Variants in RALGPS2 observed in about 807,000 individuals in gnomAD.
RALGPS2 encodes the protein ras-specific guanine nucleotide-releasing factor RalGPS2.
Under a neutral mutation model 86.8 loss-of-function variants are expected in RALGPS2, and 43 were observed. The observed-to-expected ratio is 0.50, with a 90% confidence interval of 0.39 to 0.64. RALGPS2 has a LOEUF of 0.64. Ranked by LOEUF, RALGPS2 falls within the 30% of genes least tolerant of loss-of-function variation. RALGPS2 has a pLI of 0.00. For missense variants in RALGPS2, 536 were observed against 694.6 expected, an observed-to-expected ratio of 0.77 and a Z score of 2.57; for synonymous variants, 243 against 231.3, an observed-to-expected ratio of 1.05 and a Z score of -0.46.
At chr1:178,892,860 G>A (rs1369401044) in intron 15 of RALGPS2, among the ~76,000 whole-genome samples, 1 of 152,036 alleles carries the variant, frequency 6.6e-6, no homozygotes, top group East Asian at 1.9e-4. Flanking sequence ...TGTATTGATT[G>A]GGAACGTGGG....
In RALGPS2 at chr1:178,892,339, A is replaced by G. The variant is rs1488520760; in HGVS notation, c.1325+32A>G. 1.9e-6 allele frequency: 3 copies of G among 1,581,544 alleles called. No homozygotes were observed. In the East Asian group the frequency reaches 6.7e-5, roughly 35 times the overall value. ...TTCCCCTGCATTCAGGGGTCACAGA[A>G]CTCCCTTATGGTGTTGGTGATTGGC... is the stretch of plus-strand genomic sequence containing the variant. On this transcript the variant is annotated intron_variant, in intron 15 of 19. Coordinates refer to ENST00000367635, the MANE Select transcript of RALGPS2 (RefSeq NM_152663.5).
intron 18 of RALGPS2, among the ~76,000 whole-genome samples, chr1:178,904,024 AT>A (rs945790909): frequency 6.4e-4 from 97 of 151,422 alleles, no homozygotes; most frequent in African/African-American, 2.2e-3. Context: ...CTGTTTTTTT[AT>A]TTTTTTTATT....
At chr1:178,893,877 G>A in intron 15 of RALGPS2, 42 bp from the exon 16 acceptor site, 2 of 1,317,862 alleles carry the variant, frequency 1.5e-6, no homozygotes, top group Non-Finnish European at 2.2e-6. Flanking sequence ...GATGACTATT[G>A]TAGACAAAAG....
intron 1 of RALGPS2, among the ~76,000 whole-genome samples, chr1:178,743,013 C>G (rs1230519631): frequency 6.6e-6 from 1 of 152,120 alleles, no homozygotes; most frequent in Non-Finnish European, 1.5e-5. Flanking sequence ...GCCAGGAGTT[C>G]AAGGCCAGCT....
At chr1:178,735,161 G>A (rs938487732) in intron 1 of RALGPS2, among the ~76,000 whole-genome samples, 1 of 152,082 alleles carries the variant, frequency 6.6e-6, no homozygotes, top group Non-Finnish European at 1.5e-5. Context: ...GTACAGTACT[G>A]GAAAAGAATG....
chr1:178,886,775 A>G (rs933815765), intron 13 of RALGPS2, among the ~76,000 whole-genome samples: 14 of 152,196 alleles, frequency 9.2e-5, no homozygotes, highest in Admixed American at 8.5e-4. Context: ...AAAAGGAGAG[A>G]TCAGTGAAGT....
At chr1:178,890,886 A>G (rs1189298984) in intron 14 of RALGPS2, among the ~76,000 whole-genome samples, 1 of 152,034 alleles carries the variant, frequency 6.6e-6, no homozygotes, top group African/African-American at 2.4e-5. Flanking sequence ...GTTTGCCTGA[A>G]ATGTGAAAAA....
chr1:178,798,402 T>C (rs1199291331), intron 4 of RALGPS2, among the ~76,000 whole-genome samples: 1 of 152,186 alleles, frequency 6.6e-6, no homozygotes, highest in African/African-American at 2.4e-5. Flanking sequence ...TGTTATGACG[T>C]TAAAATGTGA....
chr1:178,844,337 G>A (rs1656763046), intron 8 of RALGPS2, among the ~76,000 whole-genome samples: 1 of 152,144 alleles, frequency 6.6e-6, no homozygotes, highest in Admixed American at 6.5e-5. Flanking sequence ...CTAAAAATGA[G>A]AACCAAAACC....
At chr1:178,906,572 T>A (rs1660396422) in intron 18 of RALGPS2, among the ~76,000 whole-genome samples, 2 of 152,130 alleles carry the variant, frequency 1.3e-5, no homozygotes, top group South Asian at 2.1e-4. Flanking sequence ...GAATATATGA[T>A]AGCATGTAAA....
At chr1:178,760,502 T>G (rs564022252) in intron 1 of RALGPS2, among the ~76,000 whole-genome samples, 13 of 152,326 alleles carry the variant, frequency 8.5e-5, no homozygotes, top group African/African-American at 3.1e-4. Flanking sequence ...TAGCAACCCC[T>G]GCTCTTTTTT....
intron 16 of RALGPS2, among the ~76,000 whole-genome samples, chr1:178,897,437 A>G (rs922124885): frequency 6.6e-6 from 1 of 152,066 alleles, no homozygotes; most frequent in Non-Finnish European, 1.5e-5. Flanking sequence ...GGGGTTAACT[A>G]TTCTTTTGTA....
chr1:178,747,512 A>G, intron 1 of RALGPS2: 2 of 1,611,274 alleles, frequency 1.2e-6, no homozygotes, highest in Non-Finnish European at 1.7e-6. Flanking sequence ...AATGCGGTTC[A>G]GCATGACAAC....
At chr1:178,748,072 C>G (rs1410551567) in intron 1 of RALGPS2, among the ~76,000 whole-genome samples, 1 of 152,242 alleles carries the variant, frequency 6.6e-6, no homozygotes, top group Admixed American at 6.5e-5. Context: ...GTAATCCCAG[C>G]ACTTTGGGAG....
chr1:178,748,155 G>C (rs1032714295), intron 1 of RALGPS2, among the ~76,000 whole-genome samples: 7 of 151,024 alleles, frequency 4.6e-5, no homozygotes, highest in Non-Finnish European at 7.4e-5. Context: ...CCCTGTCTCT[G>C]CTAAAAATAC....
chr1:178,801,590 G>T (rs1014647905), intron 4 of RALGPS2, among the ~76,000 whole-genome samples: 1 of 152,138 alleles, frequency 6.6e-6, no homozygotes, highest in Non-Finnish European at 1.5e-5. Flanking sequence ...GTTTTGGAAA[G>T]TCCGTCCAAT....
At chr1:178,895,024 A>G (rs1432797767) in intron 16 of RALGPS2, among the ~76,000 whole-genome samples, 1 of 152,040 alleles carries the variant, frequency 6.6e-6, no homozygotes, top group African/African-American at 2.4e-5. Context: ...TACATAACAT[A>G]GAATCCAAAT....
intron 8 of RALGPS2, among the ~76,000 whole-genome samples, chr1:178,858,860 T>TTTACAAAGAGAATTACAGA (rs1391639673): frequency 6.6e-6 from 1 of 152,160 alleles, no homozygotes; most frequent in South Asian, 2.1e-4. Flanking sequence ...AAAAAGAGCT[T>TTTACAAAGAGAATTACAGA]TTACAAAGAG....
chr1:178,860,258 A>G (rs1405313612), intron 8 of RALGPS2, among the ~76,000 whole-genome samples: 1 of 145,714 alleles, frequency 6.9e-6, no homozygotes, highest in Non-Finnish European at 1.6e-5. Context: ...CATTGATTGC[A>G]GCTTGTCAGG....
Sources: gnomAD v4.1 joint callset for allele counts (sites outside exome capture counted in the v4.1 genomes callset) on GRCh38, gnomAD v4.1.1 for gene constraint, MANE v1.5 for transcripts, NCBI Gene and HGNC (gene_info 2026-07-23, HGNC 2026-07-21) for gene names.